The following SPATA18 variants were observed in gnomAD, a reference collection of about 807,000 sequenced individuals.
SPATA18 encodes the protein spermatogenesis associated 18.
A neutral mutation model predicts 68.1 loss-of-function variants in SPATA18; 54 were observed. The ratio of observed to expected loss-of-function variants is 0.79; its 90% CI spans 0.64 to 0.99. The LOEUF is 0.99. Ranked by LOEUF, SPATA18 falls within the 50% of genes least tolerant of loss-of-function variation. SPATA18 has a pLI of 0.00. For missense variants in SPATA18, 724 were observed against 681.1 expected (o/e 1.06, Z -0.70); for synonymous variants, 242 against 244.8 (o/e 0.99, Z 0.11).
intron 1 of SPATA18, among the ~76,000 whole-genome samples, chr4:52,058,719 C>T (rs1005165680): frequency 6.6e-6 from 1 of 152,098 alleles, no homozygotes; most frequent in African/African-American, 2.4e-5. Flanking sequence ...TCATCCAGTC[C>T]TCCATGTACT....
intron 1 of SPATA18, among the ~76,000 whole-genome samples, chr4:52,058,670 G>T (rs1419584775): frequency 6.6e-6 from 1 of 152,162 alleles, no homozygotes; most frequent in Non-Finnish European, 1.5e-5. Context: ...CCACAGAGAA[G>T]CCTTCCCTGG....
chr4:52,064,009 T>C (rs1238048842), intron 4 of SPATA18, among the ~76,000 whole-genome samples: 2 of 152,162 alleles, frequency 1.3e-5, no homozygotes, highest in East Asian at 1.9e-4. Context: ...ACACTGTTGT[T>C]ACCTATAAGG....
At position 52,070,052 on chromosome 4, in the gene SPATA18, A is replaced by G. The variant is rs540439345; in HGVS notation, c.518+136A>G. The G allele has an allele frequency of 2.5e-5, 6 of 238,792 alleles. 1 individual carries two copies. The highest frequency in any genetic ancestry group is 2.3e-5 in the African/African-American group (1 of 42,850). The allele number at this position is 238,792 out of a possible 1,614,324, so 14.8% of individuals were successfully genotyped here. A position where few individuals can be genotyped will look rare whatever the true frequency, so the allele number is the denominator to read the frequency against. On this transcript the variant is annotated intron_variant, in intron 5 of 12. Coordinates refer to ENST00000295213, the MANE Select transcript of SPATA18 (RefSeq NM_145263.4). The stretch of plus-strand genomic sequence containing the variant: ...ATATTTTTATTAATTATATATATAT[A>G]TATATTTACTACAAAGATATTACTT...
chr4:52,072,895 G>A lies in SPATA18; in HGVS notation c.758+739G>A, dbSNP rs193188621. Among the ~76,000 whole-genome samples, 6 of 152,334 alleles carry A rather than the reference G, an allele frequency of 3.9e-5. No homozygotes were observed. In the East Asian group the frequency reaches 1.2e-3, roughly 29 times the overall value. ...TTTATATCTGACTTTGATGGCATGT[G>A]TAGGTGAAGTGTTCTTGTGAAATCC... On this transcript the variant is annotated intron_variant, in intron 6 of 12. Coordinates refer to ENST00000295213, the MANE Select transcript of SPATA18 (RefSeq NM_145263.4).
At chr4:52,094,056 C>T (rs947980256) in intron 11 of SPATA18, among the ~76,000 whole-genome samples, 5 of 152,246 alleles carry the variant, frequency 3.3e-5, no homozygotes, top group Middle Eastern at 3.4e-3. Flanking sequence ...TAGCCAGTTA[C>T]GCCTGACCGG....
At chr4:52,082,183 T>C (rs1484654534) in intron 9 of SPATA18, among the ~76,000 whole-genome samples, 1 of 152,268 alleles carries the variant, frequency 6.6e-6, no homozygotes, top group African/African-American at 2.4e-5. Context: ...TTTGACACGA[T>C]TTGGTCTTAG....
At chr4:52,063,931 A>T (rs1739104109) in intron 4 of SPATA18, among the ~76,000 whole-genome samples, 1 of 151,976 alleles carries the variant, frequency 6.6e-6, no homozygotes, top group Non-Finnish European at 1.5e-5. Context: ...TCAAAACTTT[A>T]CTGGTTCTTG....
rs1738207376 is a variant in SPATA18, at chr4:52,054,906, G to C, written c.87+3115G>C. The stretch of plus-strand genomic sequence containing the variant: ...ACCTTTTGACAATTAGAACATGGTT[G>C]ATTCTTTATGTGTAGGGGTATGTGA... On this transcript the variant is annotated intron_variant, in intron 1 of 12. Coordinates refer to ENST00000295213, the MANE Select transcript of SPATA18 (RefSeq NM_145263.4). Among the ~76,000 whole-genome samples, 3 of 151,820 alleles carry C rather than the reference G, an allele frequency of 2.0e-5. No individual in the cohort carries two copies. In the South Asian group the frequency reaches 6.3e-4, roughly 32 times the overall value.
Position 52,065,542 on chromosome 4 carries a change from T to A in SPATA18, c.422+3210T>A, listed in dbSNP as rs893804557. Among the ~76,000 whole-genome samples, 11 of 152,356 alleles carry A rather than the reference T, an allele frequency of 7.2e-5. No homozygotes were observed. The East Asian group carries it at 1.4e-3, about 19-fold the overall frequency. On this transcript the variant is annotated intron_variant, in intron 4 of 12. Coordinates refer to ENST00000295213, the MANE Select transcript of SPATA18 (RefSeq NM_145263.4). The stretch of plus-strand genomic sequence containing the variant: ...AGTTTTCCCAACACCGTTTGTTGAA[T>A]AGGGTGTCCTTTCTCCACTTTGTTT...
chr4:52,053,301 A>G (rs1452535195), intron 1 of SPATA18, among the ~76,000 whole-genome samples: 2 of 152,102 alleles, frequency 1.3e-5, no homozygotes, highest in Non-Finnish European at 2.9e-5. Context: ...CTCTCATTAA[A>G]ACCATTTCCA....
intron 4 of SPATA18, among the ~76,000 whole-genome samples, chr4:52,065,972 C>A (rs1393405621): frequency 6.6e-6 from 1 of 152,158 alleles, no homozygotes; most frequent in Admixed American, 6.5e-5. Flanking sequence ...AACTTTCACA[C>A]TTGCCCCTTT....
chr4:52,051,440 C>T lies in SPATA18; in HGVS notation c.-265C>T, dbSNP rs1737853580. 2.0e-6 allele frequency: 1 copy of T among 512,720 alleles called. No individual in the cohort carries two copies. The highest frequency in any genetic ancestry group is 3.2e-5 in the Admixed American group (1 of 31,006). The allele number at this position is 512,720 out of a possible 1,614,324, so 31.8% of individuals were successfully genotyped here. On this transcript the variant is annotated 5_prime_UTR_variant, in exon 1 of 13. Transcript: ENST00000295213. ...TAATAATCGCCAGGGTATCTATGGC[C>T]GGGCTCAGGCGGCTGCTGGGGAGCC...
intron 1 of SPATA18, among the ~76,000 whole-genome samples, chr4:52,052,923 G>T (rs1029596140): frequency 6.6e-6 from 1 of 152,146 alleles, no homozygotes. Flanking sequence ...TCAGTCCTTT[G>T]CTCCCTTTTA....
At chr4:52,075,822 G>T (rs1331082215) in intron 6 of SPATA18, among the ~76,000 whole-genome samples, 1 of 152,150 alleles carries the variant, frequency 6.6e-6, no homozygotes, top group Admixed American at 6.5e-5. Context: ...TTAGGATTAT[G>T]GACATGAGCT....
intron 12 of SPATA18, 89 bp from the exon 13 acceptor site, chr4:52,094,791 C>T: frequency 6.4e-7 from 1 of 1,556,748 alleles, no homozygotes; most frequent in South Asian, 1.1e-5. Context: ...TGCCATAAAC[C>T]TAGATTAACC....
intron 5 of SPATA18, among the ~76,000 whole-genome samples, chr4:52,070,939 A>G (rs1351997134): frequency 6.6e-6 from 1 of 151,342 alleles, no homozygotes; most frequent in Non-Finnish European, 1.5e-5. Context: ...TTATCTTCGC[A>G]TGTGTTCCAA....
At chr4:52,062,468 G>T in intron 4 of SPATA18, 136 bp downstream of exon 4, 2 of 627,000 alleles carry the variant, frequency 3.2e-6, no homozygotes, top group South Asian at 3.9e-5. Context: ...GTGTGTGTCT[G>T]TGGGCATGTG....
intron 1 of SPATA18, among the ~76,000 whole-genome samples, chr4:52,058,703 G>C (rs1030330599): frequency 8.6e-5 from 13 of 152,020 alleles, no homozygotes; most frequent in African/African-American, 3.1e-4. Flanking sequence ...TTCACTCTTG[G>C]TTGCATCATC....
At chr4:52,063,310 A>G (rs1739047253) in intron 4 of SPATA18, among the ~76,000 whole-genome samples, 1 of 152,208 alleles carries the variant, frequency 6.6e-6, no homozygotes, top group African/African-American at 2.4e-5. Context: ...CTCAAAATGC[A>G]TACAACAAAT....
Sources: allele counts gnomAD v4.1 joint callset (sites outside exome capture counted in the v4.1 genomes callset), GRCh38; gene constraint gnomAD v4.1.1; transcripts MANE v1.5; gene names NCBI Gene and HGNC (gene_info 2026-07-23, HGNC 2026-07-21).